SDHB: variants seen among roughly 807,000 people sequenced by gnomAD.
SDHB encodes succinate dehydrogenase [ubiquinone] iron-sulfur subunit, mitochondrial.
SDHB carries 21 observed loss-of-function variants against 39.7 expected under a neutral mutation model. The ratio of observed to expected loss-of-function variants is 0.53; its 90% CI spans 0.37 to 0.76. The LOEUF (loss-of-function observed/expected upper bound fraction) is 0.76. Among genes scored for constraint, SDHB ranks in the 30% least tolerant of loss-of-function variants. The pLI is 0.00. For synonymous variants in SDHB, 118 were observed against 117.0 expected, an observed-to-expected ratio of 1.01 and a Z score of -0.06; for missense variants, 343 against 350.9, an observed-to-expected ratio of 0.98 and a Z score of 0.18.
intron 5 of SDHB, among the ~76,000 whole-genome samples, chr1:17,027,150 G>A (rs753010213): frequency 1.1e-4 from 16 of 152,168 alleles, no homozygotes; most frequent in African/African-American, 3.4e-4. Context: ...AGACTTCTTC[G>A]CAGAGGAGTA....
At chr1:17,029,343 G>C (rs2078010645) in intron 3 of SDHB, among the ~76,000 whole-genome samples, 1 of 151,638 alleles carries the variant, frequency 6.6e-6, no homozygotes, top group African/African-American at 2.4e-5. Flanking sequence ...GGCTGGGCTT[G>C]AACTGCTGGG....
rs559962472 is a variant in SDHB at position 17,037,842 on chromosome 1, T to C, written c.201-4697A>G. 4.6e-5 allele frequency among the ~76,000 whole-genome samples: 7 copies of C among 152,194 alleles called. No homozygotes were observed. The East Asian group carries it at 1.4e-3, about 29-fold the overall frequency. On this transcript the variant is annotated intron_variant, in intron 2 of 7. Transcript: ENST00000375499. Reference sequence around the variant, plus strand: ...GTCTCCAACTCCCAGGCTCAAGCAATTCTCCTGCTTCAGGCCAGGCACAGT... The same window carrying C: ...GTCTCCAACTCCCAGGCTCAAGCAACTCTCCTGCTTCAGGCCAGGCACAGT...
In SDHB at chr1:17,044,855, C is replaced by T. The variant is rs1204932232; in HGVS notation, c.106G>A (p.Ala36Thr). ...SRGAQTAAAT[A>T]PRIKKFAIYR... is the part of the protein sequence containing the mutation. Reference sequence around the variant, plus strand: ...ATGGCAAATTTCTTGATACGGGGAGCTGTGGCTGCAGCTGTCTGGGCTCCT... The same window carrying T: ...ATGGCAAATTTCTTGATACGGGGAGTTGTGGCTGCAGCTGTCTGGGCTCCT... Residue 36 changes from alanine to threonine, a missense_variant, in exon 2 of 8, where the codon GCT (alanine) becomes ACT (threonine). Coordinates refer to ENST00000375499, the MANE Select transcript of SDHB (RefSeq NM_003000.3). 3.1e-6 allele frequency: 5 copies of T among 1,613,932 alleles called. No individual in the cohort carries two copies. Among genetic ancestry groups the T allele is most frequent in the Non-Finnish European group, 4.2e-6 (5 of 1,179,986 alleles).
chr1:17,038,098 C>T (rs2078060135), intron 2 of SDHB, among the ~76,000 whole-genome samples: 3 of 152,022 alleles, frequency 2.0e-5, no homozygotes, highest in South Asian at 4.1e-4. Flanking sequence ...AAGATTGTGC[C>T]ATTGCACTCC....
At chr1:17,021,704 G>A (rs1027787564) in intron 7 of SDHB, among the ~76,000 whole-genome samples, 1 of 151,762 alleles carries the variant, frequency 6.6e-6, no homozygotes, top group Non-Finnish European at 1.5e-5. Flanking sequence ...GAGATCGATC[G>A]TGCCATTGCA....
intron 2 of SDHB, among the ~76,000 whole-genome samples, chr1:17,040,724 A>G (rs1022853706): frequency 1.2e-4 from 18 of 152,072 alleles, no homozygotes; most frequent in Non-Finnish European, 2.2e-4. Flanking sequence ...TCAGCTTCCC[A>G]AAGTGCTGGG....
intron 2 of SDHB, 124 bp from the exon 3 acceptor site, chr1:17,033,269 G>A: frequency 1.3e-6 from 1 of 784,948 alleles, no homozygotes; most frequent in South Asian, 1.5e-5. Context: ...GTCACCTTCG[G>A]AATTTGTTCT....
At chr1:17,022,786 C>A in intron 6 of SDHB, 56 bp from the exon 7 acceptor site, 1 of 1,583,524 alleles carries the variant, frequency 6.3e-7, no homozygotes, top group Non-Finnish European at 8.6e-7. Flanking sequence ...GAGCGGCACC[C>A]TGGCTCAACT....
intron 2 of SDHB, 31 bp downstream of exon 2, chr1:17,044,730 T>C: frequency 6.2e-7 from 1 of 1,612,192 alleles, no homozygotes; most frequent in South Asian, 1.1e-5. Context: ...AGAACTCTCC[T>C]TCAATAGCTG....
chr1:17,024,200 T>C (rs1291059520), intron 5 of SDHB, 126 bp from the exon 6 acceptor site: 2 of 717,800 alleles, frequency 2.8e-6, no homozygotes, highest in Non-Finnish European at 5.0e-6. Flanking sequence ...TGAATTTTCT[T>C]AGCAAAATCC....
At chr1:17,023,679 G>T (rs571260316) in intron 6 of SDHB, among the ~76,000 whole-genome samples, 1 of 152,234 alleles carries the variant, frequency 6.6e-6, no homozygotes, top group Non-Finnish European at 1.5e-5. Context: ...GAGAGGGAGA[G>T]GGGGAGCCTC....
chr1:17,035,870 A>G (rs898040528), intron 2 of SDHB, among the ~76,000 whole-genome samples: 13 of 152,070 alleles, frequency 8.5e-5, no homozygotes, highest in Non-Finnish European at 1.6e-4. Context: ...AAAAATAAAT[A>G]AATAAATAGA....
At chr1:17,036,705 AATAT>A (rs1412921321) in intron 2 of SDHB, among the ~76,000 whole-genome samples, 1 of 140,576 alleles carries the variant, frequency 7.1e-6, no homozygotes, top group Non-Finnish European at 1.6e-5. Flanking sequence ...TATAAATATG[AATAT>A]ATAAATATAA....
intron 2 of SDHB, among the ~76,000 whole-genome samples, chr1:17,039,886 C>A (rs2078071298): frequency 6.6e-6 from 1 of 152,132 alleles, no homozygotes; most frequent in Non-Finnish European, 1.5e-5. Flanking sequence ...GAGGAAAAAT[C>A]CTTTTATATC....
chr1:17,050,015 T>C (rs148838930), intron 1 of SDHB, among the ~76,000 whole-genome samples: 26 of 152,270 alleles, frequency 1.7e-4, no homozygotes, highest in African/African-American at 6.0e-4. Context: ...TCTATCAAGC[T>C]GGGTATCAGA....
chr1:17,045,221 G>C (rs1175574311), intron 1 of SDHB: 4 of 342,838 alleles, frequency 1.2e-5, no homozygotes, highest in South Asian at 9.5e-5. Context: ...GGGAGCTCTG[G>C]ATGAATACAG....
chr1:17,027,976 G>T, intron 4 of SDHB, 111 bp from the exon 5 acceptor site: 3 of 717,082 alleles, frequency 4.2e-6, no homozygotes, highest in Non-Finnish European at 5.0e-6. Flanking sequence ...TCCACTCTAT[G>T]CCAGGCAGAA....
chr1:17,032,887 A>C, intron 3 of SDHB, 173 bp downstream of exon 3: 1 of 676,236 alleles, frequency 1.5e-6, no homozygotes, highest in South Asian at 1.7e-5. Context: ...CAGAACTTGC[A>C]CCATGGTTAG....
intron 1 of SDHB, chr1:17,052,315 T>C (rs1380644953): frequency 2.0e-5 from 3 of 152,244 alleles, no homozygotes. Flanking sequence ...AACCTGAACC[T>C]GAATGTTACC....
Sources: gnomAD v4.1 joint callset for allele counts (sites outside exome capture counted in the v4.1 genomes callset) on GRCh38, gnomAD v4.1.1 for gene constraint, MANE v1.5 for transcripts, NCBI Gene and HGNC (gene_info 2026-07-23, HGNC 2026-07-21) for gene names.